The following TIAM1 variants were observed in gnomAD, a reference collection of about 807,000 sequenced individuals.
TIAM1 encodes TIAM Rac1 associated GEF 1.
In TIAM1, 65 loss-of-function variants were observed where a neutral mutation model predicts 163.5. The observed-to-expected ratio is 0.40, with a 90% confidence interval of 0.33 to 0.49. The LOEUF is 0.49. Among genes scored for constraint, TIAM1 ranks in the 20% least tolerant of loss-of-function variants. TIAM1 has a pLI of 0.77. For synonymous variants in TIAM1, 833 were observed against 810.1 expected, an observed-to-expected ratio of 1.03 and a Z score of -0.48; for missense variants, 1,789 against 2,044.7, an observed-to-expected ratio of 0.87 and a Z score of 2.41.
intron 2 of TIAM1, among the ~76,000 whole-genome samples, chr21:31,307,308 C>T (rs908610560): frequency 6.6e-6 from 1 of 152,174 alleles, no homozygotes; most frequent in Non-Finnish European, 1.5e-5. Context: ...GCAGGTTGTG[C>T]AAATTCAGGG....
chr21:31,461,469 G>T (rs2045324671), intron 2 of TIAM1, among the ~76,000 whole-genome samples: 1 of 152,080 alleles, frequency 6.6e-6, no homozygotes, highest in Non-Finnish European at 1.5e-5. Context: ...GGGCAACAGA[G>T]AGAGGCCCTC....
intron 1 of TIAM1, among the ~76,000 whole-genome samples, chr21:31,464,981 GC>G (rs1341728993): frequency 6.6e-6 from 1 of 152,056 alleles, no homozygotes; most frequent in Non-Finnish European, 1.5e-5. Context: ...CCGCACTCCA[GC>G]TTGGGGGACA....
chr21:31,190,926 C>T (rs931206837), intron 13 of TIAM1, among the ~76,000 whole-genome samples: 3 of 152,206 alleles, frequency 2.0e-5, no homozygotes, highest in African/African-American at 7.2e-5. Context: ...TTTACTTGTA[C>T]TGAACTCAGT....
At chr21:31,187,138 T>C (rs752162435) in intron 13 of TIAM1, 51 bp from the exon 14 acceptor site, 12 of 1,560,410 alleles carry the variant, frequency 7.7e-6, no homozygotes, top group Admixed American at 6.7e-5. Flanking sequence ...TCTGAATGTT[T>C]AGCAAACAAC....
chr21:31,259,821 AG>A (rs2072352619), intron 4 of TIAM1, among the ~76,000 whole-genome samples: 1 of 140,534 alleles, frequency 7.1e-6, no homozygotes, highest in African/African-American at 3.3e-5. Flanking sequence ...ATATTGCAAG[AG>A]AGTGAATGCA....
intron 2 of TIAM1, among the ~76,000 whole-genome samples, chr21:31,445,552 T>C (rs534420438): frequency 6.6e-6 from 1 of 152,280 alleles, no homozygotes; most frequent in East Asian, 1.9e-4. Context: ...GGGACACAGC[T>C]CATTGGTGAC....
At position 31,301,577 on chromosome 21, in the gene TIAM1, C is replaced by T. The variant is rs151312699; in HGVS notation, c.-188-24669G>A. ...AATGGAAGCCAGGCACAGTGGCTCA[C>T]GCCTGTAATCCCAACACTTTGGGAG... On this transcript the variant is annotated intron_variant, in intron 2 of 27. Coordinates refer to ENST00000541036, the MANE Select transcript of TIAM1 (RefSeq NM_001353694.2). 3.8e-3 allele frequency among the ~76,000 whole-genome samples: 575 copies of T among 152,260 alleles called. 4 individuals are homozygous for T. The highest frequency in any genetic ancestry group is 0.013 in the African/African-American group (537 of 41,562).
intron 15 of TIAM1, among the ~76,000 whole-genome samples, chr21:31,174,143 G>T (rs1247593463): frequency 4.6e-5 from 7 of 152,140 alleles, no homozygotes. Context: ...TTCCTTTGCC[G>T]CCCCTCCCTG....
chr21:31,328,774 T>C (rs776821179), intron 2 of TIAM1, among the ~76,000 whole-genome samples: 11 of 151,482 alleles, frequency 7.3e-5, no homozygotes, highest in South Asian at 4.2e-4. Context: ...TGTGTTCTCA[T>C]TGATCAGCTC....
intron 1 of TIAM1, among the ~76,000 whole-genome samples, chr21:31,550,049 G>A (rs1316406846): frequency 1.3e-5 from 2 of 152,038 alleles, no homozygotes; most frequent in African/African-American, 4.8e-5. Flanking sequence ...GCTTGAACCT[G>A]GGAGGTGGAG....
chr21:31,197,431 A>T (rs1390196513), intron 12 of TIAM1, among the ~76,000 whole-genome samples: 1 of 147,612 alleles, frequency 6.8e-6, no homozygotes, highest in Admixed American at 6.8e-5. Flanking sequence ...GCTGGAGTGC[A>T]GCGGTGTGAT....
chr21:31,156,843 T>C (rs1164475792), intron 16 of TIAM1, among the ~76,000 whole-genome samples: 1 of 152,230 alleles, frequency 6.6e-6, no homozygotes, highest in East Asian at 1.9e-4. Context: ...ATTTGGTACC[T>C]GGCAAAGGCA....
chr21:31,188,511 T>A (rs1409279748), intron 13 of TIAM1, among the ~76,000 whole-genome samples: 1 of 152,204 alleles, frequency 6.6e-6, no homozygotes, highest in Admixed American at 6.5e-5. Flanking sequence ...ATAGGATTCA[T>A]CTAACTATTG....
At chr21:31,458,652 A>C (rs1234666094) in intron 2 of TIAM1, among the ~76,000 whole-genome samples, 1 of 151,950 alleles carries the variant, frequency 6.6e-6, no homozygotes, top group Non-Finnish European at 1.5e-5. Context: ...ATCCTTGGGA[A>C]CCCTTTACTC....
At chr21:31,541,003 T>G (rs1417261028) in intron 1 of TIAM1, among the ~76,000 whole-genome samples, 1 of 152,226 alleles carries the variant, frequency 6.6e-6, no homozygotes, top group Non-Finnish European at 1.5e-5. Flanking sequence ...CATCAACTGA[T>G]GAAGACCAAT....
rs563070740 is a variant in TIAM1, at chr21:31,395,388, G to A, written c.-368-55966C>T. ...TGCCTCCAGAGAGAAGCAGTCCACT[G>A]GGGACACGGTGCCGCTGCAGCCATG... On this transcript the variant is annotated intron_variant, in intron 2 of 28. Transcript: ENST00000286827. This position sits in a 1 kb window ranked among gnomAD's most constrained non-coding sequence, Gnocchi z 7.5. Among the ~76,000 whole-genome samples the A allele has an allele frequency of 9.2e-5, 14 of 152,264 alleles. No individual in the cohort carries two copies. The East Asian group carries it at 2.7e-3, about 29-fold the overall frequency.
intron 2 of TIAM1, among the ~76,000 whole-genome samples, chr21:31,361,837 T>TTAGA (rs75126984): frequency 0.33 from 49,275 of 147,476 alleles, 8,117 homozygotes; most frequent in Non-Finnish European, 0.34. Context: ...GGAAGAAAGA[T>TTAGA]TAGATAGATA....
Position 31,211,694 on chromosome 21 carries a change from T to C in TIAM1, c.2218-1479A>G, listed in dbSNP as rs28472795. On this transcript the variant is annotated intron_variant, in intron 10 of 27. Coordinates refer to ENST00000541036, the MANE Select transcript of TIAM1 (RefSeq NM_001353694.2). ...GATAAGCTGGACTCCAGGGAAGGAA[T>C]TGTCAAAAAGCAATCAACATACCTA... 4.9e-3 allele frequency among the ~76,000 whole-genome samples: 740 copies of C among 152,300 alleles called. 10 individuals are homozygous for C. Among genetic ancestry groups the C allele is most frequent in the African/African-American group, 0.016 (679 of 41,580 alleles).
At chr21:31,328,520 G>T (rs560678984) in intron 2 of TIAM1, among the ~76,000 whole-genome samples, 2 of 151,800 alleles carry the variant, frequency 1.3e-5, no homozygotes, top group African/African-American at 4.8e-5. Flanking sequence ...ACAGGCACAC[G>T]GCACCACGAC....
Sources: allele counts gnomAD v4.1 joint callset (sites outside exome capture counted in the v4.1 genomes callset), GRCh38; gene constraint gnomAD v4.1.1; non-coding constraint Gnocchi (gnomAD v3.1); transcripts MANE v1.5; gene names NCBI Gene and HGNC (gene_info 2026-07-23, HGNC 2026-07-21).